Variants in TCF20 observed in about 807,000 individuals in gnomAD.
The protein encoded by TCF20 is transcription factor 20, also known as SPRE-binding protein.
A neutral mutation model predicts 148.6 loss-of-function variants in TCF20; 3 were observed. That is an observed-to-expected ratio of 0.02 (90% confidence interval 0.01 to 0.05). TCF20 has a LOEUF of 0.05. Ranked by LOEUF, TCF20 falls within the 10% of genes least tolerant of loss-of-function variation. TCF20 has a pLI of 1.00. For synonymous variants in TCF20, 1,049 were observed against 909.5 expected, an observed-to-expected ratio of 1.15 and a Z score of -2.76; for missense variants, 2,350 against 2,429.3, an observed-to-expected ratio of 0.97 and a Z score of 0.69.
At chr22:42,248,206 G>A (rs1762626720) in intron 1 of TCF20, among the ~76,000 whole-genome samples, 1 of 152,188 alleles carries the variant, frequency 6.6e-6, no homozygotes, top group South Asian at 2.1e-4. Flanking sequence ...AGGTGGGCAG[G>A]GAAAGCCTGT....
chr22:42,192,547 A>G (rs1282904367), intron 2 of TCF20, among the ~76,000 whole-genome samples: 2 of 152,156 alleles, frequency 1.3e-5, no homozygotes, highest in Non-Finnish European at 2.9e-5. Context: ...CAGGACAGAC[A>G]CTGGAGGCTC....
At chr22:42,265,906 A>T (rs1384278658) in intron 1 of TCF20, among the ~76,000 whole-genome samples, 3 of 152,164 alleles carry the variant, frequency 2.0e-5, no homozygotes, top group Non-Finnish European at 4.4e-5. Flanking sequence ...TAAGTATGAA[A>T]AGAGAAATTT....
chr22:42,216,736 A>C (rs1040262097), intron 1 of TCF20, among the ~76,000 whole-genome samples: 1 of 152,214 alleles, frequency 6.6e-6, no homozygotes, highest in African/African-American at 2.4e-5. Flanking sequence ...GACAGCAAAA[A>C]ACAGAGAGGA....
intron 2 of TCF20, among the ~76,000 whole-genome samples, chr22:42,186,955 A>G (rs922595210): frequency 3.9e-5 from 6 of 152,158 alleles, no homozygotes; most frequent in African/African-American, 1.4e-4. Flanking sequence ...AATGAGAAAA[A>G]CCGCCTCACA....
At chr22:42,203,718 G>A (rs377573566) in intron 2 of TCF20, among the ~76,000 whole-genome samples, 1 of 152,228 alleles carries the variant, frequency 6.6e-6, no homozygotes. Context: ...GGTCCCAGCA[G>A]AAGTAACAAA....
intron 1 of TCF20, among the ~76,000 whole-genome samples, chr22:42,224,245 G>A (rs932385038): frequency 3.3e-5 from 5 of 152,068 alleles, no homozygotes; most frequent in African/African-American, 1.2e-4. Context: ...GCCGAGGTGG[G>A]CGGATAACGA....
chr22:42,253,759 C>T (rs1438175584), intron 1 of TCF20, among the ~76,000 whole-genome samples: 1 of 152,044 alleles, frequency 6.6e-6, no homozygotes, highest in Non-Finnish European at 1.5e-5. Flanking sequence ...AGAAAGGATC[C>T]TGAACCATGA....
intron 2 of TCF20, among the ~76,000 whole-genome samples, chr22:42,188,915 G>A (rs1937188915): frequency 6.6e-6 from 1 of 152,210 alleles, no homozygotes; most frequent in African/African-American, 2.4e-5. Context: ...TCAGAGCGCA[G>A]ACTTAATGCC....
At chr22:42,217,891 G>C (rs775133454) in intron 1 of TCF20, among the ~76,000 whole-genome samples, 1 of 152,154 alleles carries the variant, frequency 6.6e-6, no homozygotes, top group East Asian at 1.9e-4. Flanking sequence ...TTGAAATATC[G>C]TAAGTCTAAA....
At chr22:42,315,275 T>G (rs1216003300) in intron 1 of TCF20, among the ~76,000 whole-genome samples, 2 of 151,878 alleles carry the variant, frequency 1.3e-5, no homozygotes, top group African/African-American at 4.8e-5. Flanking sequence ...AGCCCCAGGG[T>G]GCTCACACAC....
intron 3 of TCF20, among the ~76,000 whole-genome samples, chr22:42,172,662 C>T (rs764071845): frequency 3.3e-5 from 5 of 152,212 alleles, no homozygotes; most frequent in Non-Finnish European, 7.3e-5. Context: ...GCTTCAGATA[C>T]CCACATGCAT....
In TCF20 at chr22:42,297,685, A is replaced by G. The variant is rs1927260516; in HGVS notation, c.-37+45794T>C. Among the ~76,000 whole-genome samples, 5 of 152,182 alleles carry G rather than the reference A, an allele frequency of 3.3e-5. No individual in the cohort carries two copies. In the South Asian group the frequency reaches 1.0e-3, roughly 31 times the overall value. On this transcript the variant is annotated intron_variant, in intron 1 of 1. Coordinates refer to the TCF20 transcript ENST00000515426. The surrounding 1 kb of genome is among the most constrained non-coding windows in gnomAD (Gnocchi z 4.3). ...GGCAGACTTAGGAAATACTGGCCAG[A>G]GAGAATCTTGAGCCACACAATTCAG...
In TCF20 at chr22:42,205,072, G is replaced by A. The variant is rs1005763132; in HGVS notation, c.5655+4579C>T. Among the ~76,000 whole-genome samples, 10 of 152,260 alleles carry A rather than the reference G, an allele frequency of 6.6e-5. No homozygotes were observed. The East Asian group carries it at 1.2e-3, about 18-fold the overall frequency. On this transcript the variant is annotated intron_variant, in intron 2 of 5. Coordinates refer to ENST00000677622, the MANE Select transcript of TCF20 (RefSeq NM_001378418.1). ...TCTACCTTCTGTCACATCCCTGCAC[G>A]CCTTGGCATTCCTTAATGTCTCAAA... is the stretch of plus-strand genomic sequence containing the variant.
intron 1 of TCF20, among the ~76,000 whole-genome samples, chr22:42,295,077 C>T (rs576259613): frequency 6.6e-6 from 1 of 152,200 alleles, no homozygotes; most frequent in African/African-American, 2.4e-5. Flanking sequence ...GTGATGAACC[C>T]CCACTGCCAC....
At chr22:42,257,352 T>C (rs1222069378) in intron 1 of TCF20, among the ~76,000 whole-genome samples, 1 of 152,242 alleles carries the variant, frequency 6.6e-6, no homozygotes, top group Admixed American at 6.5e-5. Context: ...GCTTTGCAAG[T>C]TTTCTACAAC....
At chr22:42,252,960 A>G (rs1356776694) in intron 1 of TCF20, among the ~76,000 whole-genome samples, 1 of 152,132 alleles carries the variant, frequency 6.6e-6, no homozygotes, top group Non-Finnish European at 1.5e-5. Context: ...AAATATTATG[A>G]AGTATATAGT....
At chr22:42,337,268 C>T (rs191692090) in intron 1 of TCF20, among the ~76,000 whole-genome samples, 2 of 152,232 alleles carry the variant, frequency 1.3e-5, no homozygotes, top group Admixed American at 1.3e-4. Flanking sequence ...CCCTTATCCT[C>T]TCCCTGGCAC....
rs563746868 is a variant in TCF20 at position 42,216,579 on chromosome 22, G to C, written c.-36-1238C>G. On this transcript the variant is annotated intron_variant, in intron 1 of 5. Coordinates refer to ENST00000677622, the MANE Select transcript of TCF20 (RefSeq NM_001378418.1). The stretch of plus-strand genomic sequence containing the variant: ...GCTAGACTTAAGCCAGTGAATAGCA[G>C]TGACTATTCTTCCAGATTATTTTGG... Among the ~76,000 whole-genome samples, 6 of 152,316 alleles carry C rather than the reference G, an allele frequency of 3.9e-5. No homozygotes were observed. The South Asian group carries it at 1.2e-3, about 32-fold the overall frequency.
At chr22:42,239,057 G>T (rs1569176357) in intron 1 of TCF20, among the ~76,000 whole-genome samples, 1 of 152,062 alleles carries the variant, frequency 6.6e-6, no homozygotes, top group Non-Finnish European at 1.5e-5. Flanking sequence ...GGCAGAGCTT[G>T]CAGTGAGCCG....
Sources: allele counts gnomAD v4.1 joint callset (sites outside exome capture counted in the v4.1 genomes callset), GRCh38; gene constraint gnomAD v4.1.1; non-coding constraint Gnocchi (gnomAD v3.1); transcripts MANE v1.5; gene names NCBI Gene and HGNC (gene_info 2026-07-23, HGNC 2026-07-21).